POU2F1: variants seen among roughly 807,000 people sequenced by gnomAD.
POU2F1 encodes the protein POU domain, class 2, transcription factor 1.
Under a neutral mutation model 84.9 loss-of-function variants are expected in POU2F1, and 16 were observed. The observed-to-expected ratio is 0.19, with a 90% CI of 0.13 to 0.29. The LOEUF (loss-of-function observed/expected upper bound fraction) is 0.29, where lower values mean the gene tolerates loss of function less well. POU2F1 is among the 10% of genes least tolerant of loss of function. POU2F1 has a pLI of 1.00. For synonymous variants in POU2F1, 368 were observed against 368.3 expected, an observed-to-expected ratio of 1.00 and a Z score of 0.01; for missense variants, 738 against 942.6, an observed-to-expected ratio of 0.78 and a Z score of 2.84.
chr1:167,279,072 T>C (rs1209577994), intron 1 of POU2F1, among the ~76,000 whole-genome samples: 1 of 152,238 alleles, frequency 6.6e-6, no homozygotes, highest in African/African-American at 2.4e-5. Context: ...CATTTCCTTC[T>C]ATTCCCCCCT....
At chr1:167,255,996 A>T (rs1383809417) in intron 1 of POU2F1, among the ~76,000 whole-genome samples, 1 of 152,152 alleles carries the variant, frequency 6.6e-6, no homozygotes, top group Admixed American at 6.5e-5. Context: ...GTCCGTGCTT[A>T]CGGGGTGGTG....
intron 15 of POU2F1, among the ~76,000 whole-genome samples, chr1:167,413,959 C>T (rs1394577604): frequency 2.0e-5 from 3 of 147,816 alleles, no homozygotes; most frequent in South Asian, 2.1e-4. Context: ...TGCACCCCAG[C>T]GTGGGTAACA....
intron 1 of POU2F1, among the ~76,000 whole-genome samples, chr1:167,221,418 C>T (rs1251320343): frequency 6.9e-6 from 1 of 144,990 alleles, no homozygotes; most frequent in Non-Finnish European, 1.5e-5. Context: ...GGCGGGCGGC[C>T]GGGGCCGGGC....
chr1:167,257,867 T>A (rs1651263942), intron 1 of POU2F1: 1 of 151,854 alleles, frequency 6.6e-6, no homozygotes, highest in African/African-American at 2.4e-5. Flanking sequence ...CTCAACCTCC[T>A]GAGGTCAAGT....
chr1:167,367,478 C>T (rs1659757433), intron 3 of POU2F1, among the ~76,000 whole-genome samples: 1 of 152,134 alleles, frequency 6.6e-6, no homozygotes, highest in Non-Finnish European at 1.5e-5. Flanking sequence ...TTAGCTTACC[C>T]TGTACAATCT....
rs1318305719 is a variant in POU2F1 at position 167,258,192 on chromosome 1, A to C, written c.61+37234A>C. Among the ~76,000 whole-genome samples, 4 of 152,154 alleles carry C rather than the reference A, an allele frequency of 2.6e-5. 1 individual carries two copies. The South Asian group carries it at 8.3e-4, about 32-fold the overall frequency. Reference sequence around the variant, plus strand: ...GCTCCAGATGAATGAATATGCTCTTACCTCTAGTTATATTGTGACTCCAGA... The same window carrying C: ...GCTCCAGATGAATGAATATGCTCTTCCCTCTAGTTATATTGTGACTCCAGA... On this transcript the variant is annotated intron_variant, in intron 1 of 15. Transcript: ENST00000367866.
intron 1 of POU2F1, among the ~76,000 whole-genome samples, chr1:167,289,475 G>A (rs1471859673): frequency 6.6e-6 from 1 of 152,188 alleles, no homozygotes. Flanking sequence ...CTCTGAGGAG[G>A]TGACATTCAG....
At chr1:167,308,094 C>G (rs184941202) in intron 1 of POU2F1, among the ~76,000 whole-genome samples, 74 of 150,382 alleles carry the variant, frequency 4.9e-4, no homozygotes, top group Non-Finnish European at 8.9e-4. Flanking sequence ...TTAGACGGAG[C>G]CTTGCTCTGT....
intron 1 of POU2F1, among the ~76,000 whole-genome samples, chr1:167,250,782 A>T (rs1160615159): frequency 6.6e-6 from 1 of 152,364 alleles, no homozygotes; most frequent in East Asian, 1.9e-4. Context: ...ATTTTCTGAT[A>T]TACTAGAGCA....
intron 13 of POU2F1, among the ~76,000 whole-genome samples, chr1:167,403,677 A>G (rs1170481912): frequency 1.3e-5 from 2 of 152,184 alleles, no homozygotes; most frequent in Admixed American, 1.3e-4. Flanking sequence ...ATGTAATGCA[A>G]TCTGCTTTCT....
chr1:167,281,704 T>C (rs1056196128), intron 1 of POU2F1, among the ~76,000 whole-genome samples: 1 of 152,214 alleles, frequency 6.6e-6, no homozygotes, highest in South Asian at 2.1e-4. Flanking sequence ...CCTCCACTTG[T>C]TATAGTTCAC....
chr1:167,362,900 A>G (rs112449753), intron 2 of POU2F1, among the ~76,000 whole-genome samples: 5 of 152,248 alleles, frequency 3.3e-5, no homozygotes, highest in African/African-American at 1.2e-4. Context: ...CATGCTCCTG[A>G]CTGGGCCCTT....
chr1:167,289,745 A>G (rs774602447), intron 1 of POU2F1, among the ~76,000 whole-genome samples: 4 of 152,298 alleles, frequency 2.6e-5, no homozygotes, highest in Middle Eastern at 3.4e-3. Context: ...ACTCTGTTCT[A>G]TATTTGGCCA....
intron 1 of POU2F1, among the ~76,000 whole-genome samples, chr1:167,254,568 A>G (rs1650990081): frequency 2.0e-5 from 3 of 152,210 alleles, no homozygotes; most frequent in Non-Finnish European, 1.5e-5. Flanking sequence ...TATTAATTTT[A>G]CTCATTGTTA....
At chr1:167,414,059 C>T (rs1557971604) in intron 15 of POU2F1, among the ~76,000 whole-genome samples, 2 of 151,590 alleles carry the variant, frequency 1.3e-5, no homozygotes, top group Non-Finnish European at 2.9e-5. Flanking sequence ...TAACTATTAG[C>T]CAACCTAAAT....
intron 1 of POU2F1, among the ~76,000 whole-genome samples, chr1:167,270,301 C>G (rs2102465288): frequency 1.3e-5 from 2 of 152,042 alleles, no homozygotes; most frequent in East Asian, 3.9e-4. Context: ...AAAAAAAGGC[C>G]TGTTAACTAC....
chr1:167,327,123 T>C (rs1464674619), intron 1 of POU2F1, among the ~76,000 whole-genome samples: 1 of 152,214 alleles, frequency 6.6e-6, no homozygotes, highest in Non-Finnish European at 1.5e-5. Context: ...TGTATTCTTA[T>C]TTTAATACAA....
chr1:167,241,921 A>G (rs1378721668), intron 1 of POU2F1, among the ~76,000 whole-genome samples: 2 of 152,226 alleles, frequency 1.3e-5, no homozygotes, highest in East Asian at 3.8e-4. Flanking sequence ...GGAAGGATAC[A>G]TTGTCTAATT....
At chr1:167,374,407 G>C in intron 6 of POU2F1, 111 bp downstream of exon 6, 1 of 1,042,516 alleles carries the variant, frequency 9.6e-7, no homozygotes, top group Non-Finnish European at 1.4e-6. Flanking sequence ...AACTGCCTGA[G>C]GAGCTCTAGA....
Sources: allele counts gnomAD v4.1 joint callset (sites outside exome capture counted in the v4.1 genomes callset), GRCh38; gene constraint gnomAD v4.1.1; transcripts MANE v1.5; gene names NCBI Gene and HGNC (gene_info 2026-07-23, HGNC 2026-07-21).